The following AMOTL1 variants were observed in gnomAD, a reference collection of about 807,000 sequenced individuals.
AMOTL1 encodes angiomotin like 1, also known as angiomotin-like protein 1.
AMOTL1 carries 45 observed loss-of-function variants against 102.9 expected under a neutral mutation model. The observed-to-expected ratio is 0.44, with a 90% CI of 0.34 to 0.56. The LOEUF (loss-of-function observed/expected upper bound fraction) is 0.56, where lower values mean the gene tolerates loss of function less well. Ranked by LOEUF, AMOTL1 falls within the 20% of genes least tolerant of loss-of-function variation. The pLI, the probability that AMOTL1 is intolerant of heterozygous loss-of-function variation, is 0.01. For missense variants in AMOTL1, 1,114 were observed against 1,225.6 expected (o/e 0.91, Z 1.36); for synonymous variants, 481 against 484.7 (o/e 0.99, Z 0.10).
intron 1 of AMOTL1, among the ~76,000 whole-genome samples, chr11:94,708,657 T>C (rs1949970502): frequency 6.6e-6 from 1 of 152,212 alleles, no homozygotes; most frequent in Non-Finnish European, 1.5e-5. Context: ...ACCACCTATG[T>C]TGTAAGTATT....
At chr11:94,830,601 A>T (rs1230421018) in intron 5 of AMOTL1, among the ~76,000 whole-genome samples, 2 of 152,208 alleles carry the variant, frequency 1.3e-5, no homozygotes, top group Non-Finnish European at 2.9e-5. Flanking sequence ...GCAGCACTTA[A>T]CTATTGCTAG....
intron 3 of AMOTL1, among the ~76,000 whole-genome samples, chr11:94,810,729 A>G (rs1951663588): frequency 6.6e-6 from 1 of 151,840 alleles, no homozygotes; most frequent in South Asian, 2.1e-4. Flanking sequence ...GAGAAAGGAG[A>G]GAGAGCAGAA....
rs1358210419 is a variant in AMOTL1, at chr11:94,876,152, C to A, written c.*5357C>A. ...TAGGAGTCTGTTCACATAGAGACAC[C>A]TGTAAGTATTTATTACAAAACGGAA... On this transcript the variant is annotated 3_prime_UTR_variant, in exon 13 of 13. Transcript: ENST00000433060. 6.6e-6 allele frequency: 1 copy of A among 152,624 alleles called. No individual in the cohort carries two copies. Among genetic ancestry groups the A allele is most frequent in the Non-Finnish European group, 1.5e-5 (1 of 68,034 alleles). 9.5% of individuals were successfully genotyped at this position (152,624 alleles called of 1,614,324 possible). A position where few individuals can be genotyped will look rare whatever the true frequency, so the allele number is the denominator to read the frequency against.
At position 94,741,718 on chromosome 11, in the gene AMOTL1, CT is replaced by C. The variant is rs376767565; in HGVS notation, c.136+740del. 4.6e-3 allele frequency among the ~76,000 whole-genome samples: 682 copies of C among 149,844 alleles called. 9 individuals carry two copies. Among genetic ancestry groups the C allele is most frequent in the African/African-American group, 0.016 (650 of 40,912 alleles). ...TCTCACTCGGTGGCTTAGTGGCTCT[CT>C]TTTTTTTTTCTTCTGCTTTCAAGGT... On this transcript the variant is annotated intron_variant, in intron 3 of 4. Transcript: ENST00000299004.
intron 9 of AMOTL1, among the ~76,000 whole-genome samples, chr11:94,862,118 C>T (rs180763449): frequency 3.3e-5 from 5 of 152,252 alleles, no homozygotes; most frequent in Non-Finnish European, 7.4e-5. Flanking sequence ...CCCGTCACCC[C>T]TCCTTCTTTG....
chr11:94,770,363 A>G (rs570090011), intron 1 of AMOTL1, among the ~76,000 whole-genome samples: 21 of 152,148 alleles, frequency 1.4e-4, no homozygotes, highest in African/African-American at 4.8e-4. Context: ...TTTGACTAGA[A>G]TGAAGGAAAA....
intron 3 of AMOTL1, among the ~76,000 whole-genome samples, chr11:94,752,030 G>C (rs1950662400): frequency 6.6e-6 from 1 of 152,010 alleles, no homozygotes; most frequent in South Asian, 2.1e-4. Flanking sequence ...ATGGTTTCTG[G>C]GGCACATTCT....
chr11:94,821,778 A>G lies in AMOTL1; in HGVS notation c.1370A>G (p.Gln457Arg), dbSNP rs1253410229. ...ILTEENRVLH[Q>R]ELQGYYDNAD... The stretch of plus-strand genomic sequence containing the variant: ...ACAGAGGAGAACCGGGTGCTTCACC[A>G]GGAACTTCAGGGTTACTACGACAAT... Residue 457 changes from glutamine to arginine, a missense_variant, in exon 4 of 13, where the codon CAG becomes CGG. Gln to Arg is a conservative substitution (Grantham distance 43, BLOSUM62 1). Coordinates refer to ENST00000433060, the MANE Select transcript of AMOTL1 (RefSeq NM_130847.3). 4 of 1,614,060 alleles carry G rather than the reference A, an allele frequency of 2.5e-6. No homozygotes were observed. In the South Asian group the frequency reaches 3.3e-5, roughly 13 times the overall value.
intron 4 of AMOTL1, among the ~76,000 whole-genome samples, chr11:94,828,919 C>G (rs1042225389): frequency 6.6e-6 from 1 of 152,136 alleles, no homozygotes; most frequent in Non-Finnish European, 1.5e-5. Context: ...CATCAAGCAT[C>G]CATCCATGTT....
At chr11:94,842,723 G>A (rs1041967651) in intron 6 of AMOTL1, among the ~76,000 whole-genome samples, 1 of 152,150 alleles carries the variant, frequency 6.6e-6, no homozygotes, top group Non-Finnish European at 1.5e-5. Flanking sequence ...AGATAGTGTG[G>A]AAGCATAATA....
At chr11:94,723,817 T>C (rs1950212874) in intron 1 of AMOTL1, among the ~76,000 whole-genome samples, 1 of 152,138 alleles carries the variant, frequency 6.6e-6, no homozygotes, top group Admixed American at 6.6e-5. Flanking sequence ...CAAACAAGTG[T>C]AAGATTATTG....
At position 94,837,707 on chromosome 11, in the gene AMOTL1, A is replaced by G. The variant is rs1436657624; in HGVS notation, c.1648+6166A>G. Among the ~76,000 whole-genome samples, 6 of 152,352 alleles carry G rather than the reference A, an allele frequency of 3.9e-5. No homozygotes were observed. The South Asian group carries it at 1.0e-3, about 26-fold the overall frequency. ...AATTAGGCTCTGATTTGCCATGCTT[A>G]AAGAATGGAGCTGATTGAAGAAGTG... On this transcript the variant is annotated intron_variant, in intron 6 of 12. Coordinates refer to ENST00000433060, the MANE Select transcript of AMOTL1 (RefSeq NM_130847.3).
At chr11:94,766,580 C>G (rs377315917), upstream of AMOTL1, among the ~76,000 whole-genome samples, 4 of 152,286 alleles carry the variant, frequency 2.6e-5, no homozygotes, top group East Asian at 7.7e-4. Flanking sequence ...CTTTTTCTAT[C>G]CATCACTTCT....
Position 94,813,248 on chromosome 11 carries a change from C to T in AMOTL1, c.1122-8282C>T, listed in dbSNP as rs1014353741. Among the ~76,000 whole-genome samples, 7 of 152,174 alleles carry T rather than the reference C, an allele frequency of 4.6e-5. No homozygotes were observed. The East Asian group carries it at 5.8e-4, about 13-fold the overall frequency. ...CACTTCAGCCCTCCCTACATGGATA[C>T]GCAGACCTTCATAGAGATGGCCTCA... On this transcript the variant is annotated intron_variant, in intron 3 of 12. Transcript: ENST00000433060.
chr11:94,788,500 G>C (rs573795806), intron 1 of AMOTL1, among the ~76,000 whole-genome samples: 1 of 152,042 alleles, frequency 6.6e-6, no homozygotes, highest in Non-Finnish European at 1.5e-5. Flanking sequence ...TTTTCCCTCC[G>C]GTTCAATTTC....
At chr11:94,714,359 C>T (rs10741495) in intron 1 of AMOTL1, among the ~76,000 whole-genome samples, 114,023 of 151,828 alleles carry the variant, frequency 0.75, 47,025 homozygotes, top group Non-Finnish European at 0.92. Flanking sequence ...TCTTTTGTAC[C>T]GTGTCTGGTT....
At chr11:94,754,295 G>A (rs554087260) in intron 3 of AMOTL1, among the ~76,000 whole-genome samples, 10 of 152,166 alleles carry the variant, frequency 6.6e-5, no homozygotes, top group Non-Finnish European at 1.5e-4. Context: ...AGTGTGACCC[G>A]AACGGCATCA....
At chr11:94,816,017 G>T (rs1951759386) in intron 3 of AMOTL1, among the ~76,000 whole-genome samples, 1 of 152,016 alleles carries the variant, frequency 6.6e-6, no homozygotes, top group African/African-American at 2.4e-5. Context: ...TAGAGATTGT[G>T]TTTTGATATT....
chr11:94,782,400 A>G (rs1051748744), intron 1 of AMOTL1, among the ~76,000 whole-genome samples: 3 of 152,336 alleles, frequency 2.0e-5, no homozygotes, highest in Non-Finnish European at 4.4e-5. Context: ...ATTGAAATCC[A>G]TGGTATATTA....
Sources: gnomAD v4.1 joint callset for allele counts (sites outside exome capture counted in the v4.1 genomes callset) on GRCh38, gnomAD v4.1.1 for gene constraint, MANE v1.5 for transcripts, NCBI Gene and HGNC (gene_info 2026-07-23, HGNC 2026-07-21) for gene names.